The following SERF1B variants were observed in gnomAD, a reference collection of about 807,000 sequenced individuals.
SERF1B encodes small EDRK-rich factor 1.
chr5:70,038,617 T>TA (rs1452848022), intron 2 of SERF1B, among the ~76,000 whole-genome samples: 5 of 2,414 alleles, frequency 2.1e-3, no homozygotes, highest in South Asian at 4.5e-3. Flanking sequence ...AGACTCCGTC[T>TA]CAAAAAAAAA....
At chr5:70,035,383 A>ATTATT (rs1554065471) in intron 2 of SERF1B, among the ~76,000 whole-genome samples, 1 of 136,568 alleles carries the variant, frequency 7.3e-6, no homozygotes, top group Admixed American at 7.5e-5. Flanking sequence ...TATTATTATT[A>ATTATT]TTTTTTTTTT....
chr5:70,028,810 TACTAAAA>T (rs1774096920), intron 2 of SERF1B, among the ~76,000 whole-genome samples: 1 of 147,214 alleles, frequency 6.8e-6, no homozygotes, highest in Non-Finnish European at 1.5e-5. Context: ...TCCCTGTCCG[TACTAAAA>T]ATACAAAAAA....
At position 70,041,808 on chromosome 5, in the gene SERF1B, A is replaced by G; in HGVS notation, c.*68A>G. ...TTTCATCTACAAAAACTGTTTTCCC[A>G]AATAGGTCACATTCACGCATATCAG... On this transcript the variant is annotated 3_prime_UTR_variant, in exon 3 of 3. Transcript: ENST00000380750. The G allele has an allele frequency of 1.7e-6, 1 of 571,678 alleles. No homozygotes were observed. The highest frequency in any genetic ancestry group is 2.9e-5 in the East Asian group (1 of 34,670). The allele number at this position is 571,678 out of a possible 1,614,324, so 35.4% of individuals were successfully genotyped here. A position where few individuals can be genotyped will look rare whatever the true frequency, so the allele number is the denominator to read the frequency against.
At chr5:70,036,329 G>A (rs1442849419) in intron 2 of SERF1B, among the ~76,000 whole-genome samples, 1 of 68,718 alleles carries the variant, frequency 1.5e-5, no homozygotes, top group Non-Finnish European at 2.8e-5. Context: ...GCTCACGCCT[G>A]TAATCCCAGC....
intron 2 of SERF1B, among the ~76,000 whole-genome samples, chr5:70,036,594 T>TACACACACACAC (rs1212936359): frequency 1.6e-4 from 17 of 106,400 alleles, no homozygotes; most frequent in African/African-American, 7.4e-4. Flanking sequence ...TCTCAAAACA[T>TACACACACACAC]ACACACACAC....
Position 70,036,629 on chromosome 5 carries a change from A to ACACT in SERF1B, c.117-4894_117-4893insACTC, listed in dbSNP as rs763495681. Among the ~76,000 whole-genome samples the ACACT allele has an allele frequency of 7.9e-3, 394 of 49,982 alleles. 4 individuals carry two copies. The highest frequency in any genetic ancestry group is 0.013 in the East Asian group (16 of 1,262). The allele number at this position is 49,982 out of a possible 152,430, so 32.8% of individuals were successfully genotyped here. ...CACACACACACACACACACACACAC[A>ACACT]CTCTCTCTCTCTCTCTCTCTCTCTC... is the stretch of plus-strand genomic sequence containing the variant. On this transcript the variant is annotated intron_variant, in intron 2 of 2. Coordinates refer to ENST00000380750, the MANE Select transcript of SERF1B (RefSeq NM_022978.3).
chr5:70,035,078 G>A (rs1487100285), intron 2 of SERF1B, among the ~76,000 whole-genome samples: 1 of 30,982 alleles, frequency 3.2e-5, no homozygotes, highest in Non-Finnish European at 4.9e-5. Context: ...TGTCTTGCTT[G>A]CTCTGTTGCT....
chr5:70,029,848 G>C (rs1391164814), intron 2 of SERF1B: 1 of 435,752 alleles, frequency 2.3e-6, no homozygotes, highest in Non-Finnish European at 4.5e-6. Flanking sequence ...CCAGGCTCAA[G>C]TGACCCTCCC....
intron 2 of SERF1B, among the ~76,000 whole-genome samples, chr5:70,037,784 A>AACCC (rs1348751532): frequency 2.7e-5 from 3 of 110,736 alleles, no homozygotes; most frequent in Non-Finnish European, 5.1e-5. Context: ...AACATGGTGA[A>AACCC]ACCCCGTCTC....
intron 2 of SERF1B, among the ~76,000 whole-genome samples, chr5:70,041,295 C>A (rs984857048): frequency 6.7e-6 from 1 of 148,172 alleles, no homozygotes; most frequent in African/African-American, 2.6e-5. Flanking sequence ...TAAATACACT[C>A]AATTTATATA....
intron 2 of SERF1B, among the ~76,000 whole-genome samples, chr5:70,029,035 C>G (rs1456422752): frequency 3.9e-5 from 6 of 151,978 alleles, no homozygotes; most frequent in African/African-American, 1.4e-4. Context: ...ATTGGGATAT[C>G]TCTATGCTCA....
In SERF1B at chr5:70,036,594, TACACACAC is replaced by T. The variant is rs1212936359; in HGVS notation, c.117-4901_117-4894del. On this transcript the variant is annotated intron_variant, in intron 2 of 2. Coordinates refer to ENST00000380750, the MANE Select transcript of SERF1B (RefSeq NM_022978.3). ...AAGAGTGGGACCCTGTCTCAAAACA[TACACACAC>T]ACACACACACACACACACACACACA... is the stretch of plus-strand genomic sequence containing the variant. 3.9e-3 allele frequency among the ~76,000 whole-genome samples: 410 copies of T among 106,316 alleles called. 3 individuals are homozygous for T. Among genetic ancestry groups the T allele is most frequent in the Non-Finnish European group, 5.2e-3 (285 of 55,172 alleles). The allele number at this position is 106,316 out of a possible 152,430, so 69.7% of individuals were successfully genotyped here. A position where few individuals can be genotyped will look rare whatever the true frequency, so the allele number is the denominator to read the frequency against.
chr5:70,041,264 T>A (rs1480184283), intron 2 of SERF1B, among the ~76,000 whole-genome samples: 1 of 149,148 alleles, frequency 6.7e-6, no homozygotes, highest in Non-Finnish European at 1.5e-5. Context: ...GTAGTCTTAA[T>A]TTACTTCCAT....
At chr5:70,029,235 A>G (rs2112440443) in intron 2 of SERF1B, among the ~76,000 whole-genome samples, 1 of 151,774 alleles carries the variant, frequency 6.6e-6, no homozygotes, top group South Asian at 2.1e-4. Flanking sequence ...TCCTGGGCTT[A>G]AGCGATTCTC....
chr5:70,036,617 ACACACACACACACT>A (rs1362244842), intron 2 of SERF1B, among the ~76,000 whole-genome samples: 1 of 129,876 alleles, frequency 7.7e-6, no homozygotes, highest in African/African-American at 3.2e-5. Flanking sequence ...ACACACACAC[ACACACACACACACT>A]CTCTCTCTCT....
At chr5:70,041,335 A>C (rs1774253925) in intron 2 of SERF1B, among the ~76,000 whole-genome samples, 189 bp from the exon 3 acceptor site, 2 of 146,540 alleles carry the variant, frequency 1.4e-5, no homozygotes, top group Non-Finnish European at 2.9e-5. Flanking sequence ...AGCCTTCAGT[A>C]AGCCAGTCCC....
Position 70,028,909 on chromosome 5 carries a change from G to A in SERF1B, c.116+2394G>A, listed in dbSNP as rs868697500. Among the ~76,000 whole-genome samples the A allele has an allele frequency of 2.1e-4, 32 of 151,310 alleles. No homozygotes were observed. The Middle Eastern group carries it at 0.01, about 49-fold the overall frequency. ...GGAGACTGGCGTGAACCCGGGAGGC[G>A]GAGCTTGCAGTGAGCTGAGATCGCG... On this transcript the variant is annotated intron_variant, in intron 2 of 2. Transcript: ENST00000380750.
chr5:70,029,077 T>G lies in SERF1B; in HGVS notation c.116+2562T>G, dbSNP rs1227434626. 1.2e-4 allele frequency among the ~76,000 whole-genome samples: 18 copies of G among 152,108 alleles called. No individual in the cohort carries two copies. In the East Asian group the frequency reaches 3.3e-3, roughly 28 times the overall value. On this transcript the variant is annotated intron_variant, in intron 2 of 2. Coordinates refer to ENST00000380750, the MANE Select transcript of SERF1B (RefSeq NM_022978.3). ...TATCTTTCATCCAGTTCTGATTTAATTGGTCAGAGGTCGAGCATTAAAAAG... is the reference window on the plus strand; with the variant it reads ...TATCTTTCATCCAGTTCTGATTTAAGTGGTCAGAGGTCGAGCATTAAAAAG...
chr5:70,038,293 C>G (rs1209229966), intron 2 of SERF1B, among the ~76,000 whole-genome samples: 1 of 145,162 alleles, frequency 6.9e-6, no homozygotes, highest in Admixed American at 6.9e-5. Flanking sequence ...TACAGAGTTA[C>G]GTATTTAACC....
Sources: allele counts gnomAD v4.1 joint callset (sites outside exome capture counted in the v4.1 genomes callset), GRCh38; gene constraint gnomAD v4.1.1; transcripts MANE v1.5; gene names NCBI Gene and HGNC (gene_info 2026-07-23, HGNC 2026-07-21).